NDUFAF4: variants seen among roughly 807,000 people sequenced by gnomAD.
The protein encoded by NDUFAF4 is NADH dehydrogenase [ubiquinone] 1 alpha subcomplex assembly factor 4.
In NDUFAF4, 10 loss-of-function variants were observed where a neutral mutation model predicts 15.6. The ratio of observed to expected loss-of-function variants is 0.64; its 90% CI spans 0.40 to 1.09. The LOEUF is 1.09. Among genes scored for constraint, NDUFAF4 ranks in the 50% least tolerant of loss-of-function variants. NDUFAF4 has a pLI of 0.01. For missense variants in NDUFAF4, 203 were observed against 207.3 expected, an observed-to-expected ratio of 0.98 and a Z score of 0.13; for synonymous variants, 77 against 73.3, an observed-to-expected ratio of 1.05 and a Z score of -0.26.
At position 96,896,744 on chromosome 6, in the gene NDUFAF4, C is replaced by G. The variant is rs1260934874; in HGVS notation, c.240G>C (p.Gln80His). ...TTCACTTAATTAAACACACATTTAC[C>G]TGCAAGGAAGACACAGGATCTTTGG... ...VDSKDPVSSL[Q>H]VKAAETCQEP... Residue 80 changes from glutamine (Q) to histidine (H), a missense_variant and splice_region_variant, in exon 2 of 3, where the codon CAG (glutamine) becomes CAC (histidine). Transcript: ENST00000316149. 13 of 1,607,046 alleles carry G rather than the reference C, an allele frequency of 8.1e-6. No individual in the cohort carries two copies. The highest frequency in any genetic ancestry group is 1.1e-5 in the Non-Finnish European group (13 of 1,175,104).
At chr6:96,891,709 C>G (rs943593387) in intron 2 of NDUFAF4, among the ~76,000 whole-genome samples, 1 of 151,826 alleles carries the variant, frequency 6.6e-6, no homozygotes, top group African/African-American at 2.4e-5. Context: ...ATAAGCCGTG[C>G]CTGCTTCCCA....
In NDUFAF4 at chr6:96,891,251, C is replaced by T; in HGVS notation, c.381G>A (p.Lys127=). 6.2e-7 allele frequency: 1 copy of T among 1,613,746 alleles called. No individual in the cohort carries two copies. The highest frequency in any genetic ancestry group is 2.2e-5 in the East Asian group (1 of 44,844). ...VEALTLLNNH[K]LFPETWTAEK... Reference sequence around the variant, plus strand: ...CAGCAGTCCAGGTTTCTGGGAAAAGCTTATGATTATTGAGAAGTGTCAATG... The same window carrying T: ...CAGCAGTCCAGGTTTCTGGGAAAAGTTTATGATTATTGAGAAGTGTCAATG... The change falls in exon 3 of 3, where the codon AAG becomes AAA. Residue 127 remains lysine, a synonymous_variant. Transcript: ENST00000316149.
intron 1 of NDUFAF4, among the ~76,000 whole-genome samples, chr6:96,897,403 C>G (rs1247301822): frequency 2.0e-5 from 3 of 152,220 alleles, no homozygotes; most frequent in African/African-American, 7.2e-5. Context: ...TGACAGCAGC[C>G]GGCGAGGGCC....
Position 96,890,141 on chromosome 6 carries a change from C to T in NDUFAF4, c.*963G>A, listed in dbSNP as rs753944762. On this transcript the variant is annotated 3_prime_UTR_variant, in exon 3 of 3. Coordinates refer to ENST00000316149, the MANE Select transcript of NDUFAF4 (RefSeq NM_014165.4). ...GATCCTAGTACTGGTACATGCTATGCTAATTAAATTTGCTAAAATGGATGA... is the reference window on the plus strand; with the variant it reads ...GATCCTAGTACTGGTACATGCTATGTTAATTAAATTTGCTAAAATGGATGA... 6.6e-6 allele frequency: 1 copy of T among 152,106 alleles called. No individual in the cohort carries two copies. The allele number at this position is 152,106 out of a possible 1,614,324, so 9.4% of individuals were successfully genotyped here.
At chr6:96,893,597 A>G (rs888358943) in intron 2 of NDUFAF4, among the ~76,000 whole-genome samples, 1 of 152,098 alleles carries the variant, frequency 6.6e-6, no homozygotes, top group Non-Finnish European at 1.5e-5. Flanking sequence ...TCCTATTCCC[A>G]GGTAAGGTAG....
chr6:96,896,867 C>G lies in NDUFAF4; in HGVS notation c.137-20G>C. The stretch of plus-strand genomic sequence containing the variant: ...GATAGACTAAGGAAAGGAAAAAAGT[C>G]ACAATATTAAAATCAAGGAAAATTT... On this transcript the variant is annotated intron_variant, in intron 1 of 2. Transcript: ENST00000316149. 1 of 1,560,722 alleles carries G rather than the reference C, an allele frequency of 6.4e-7. No homozygotes were observed. Among genetic ancestry groups the G allele is most frequent in the Non-Finnish European group, 8.8e-7 (1 of 1,132,010 alleles).
chr6:96,896,212 C>G (rs1379582634), intron 2 of NDUFAF4: 3 of 164,180 alleles, frequency 1.8e-5, no homozygotes, highest in Non-Finnish European at 4.0e-5. Flanking sequence ...GTGCCCAGGA[C>G]TTACATAATA....
chr6:96,895,588 T>C (rs1388703912), intron 2 of NDUFAF4, among the ~76,000 whole-genome samples: 1 of 151,476 alleles, frequency 6.6e-6, no homozygotes, highest in Non-Finnish European at 1.5e-5. Context: ...AAAGCATTAA[T>C]TTTTTTTTGC....
intron 1 of NDUFAF4, among the ~76,000 whole-genome samples, chr6:96,897,141 T>G (rs1351341507): frequency 6.6e-6 from 1 of 152,144 alleles, no homozygotes; most frequent in Non-Finnish European, 1.5e-5. Context: ...GCCAGGCTGG[T>G]CTCGAACTCC....
intron 2 of NDUFAF4, among the ~76,000 whole-genome samples, chr6:96,894,950 AAC>A (rs71545722): frequency 0.22 from 34,202 of 152,092 alleles, 4,471 homozygotes; most frequent in East Asian, 0.37. Context: ...AAGAAATATC[AAC>A]ACACATTATA....
chr6:96,897,782 C>A lies in NDUFAF4; in HGVS notation c.20G>T (p.Arg7Leu), dbSNP rs1775408842. 20 of 1,614,080 alleles carry A rather than the reference C, an allele frequency of 1.2e-5. No individual in the cohort carries two copies. The highest frequency in any genetic ancestry group is 1.7e-5 in the Non-Finnish European group (20 of 1,180,004). Residue 7 changes from arginine (R) to leucine (L), a missense_variant, in exon 1 of 3, where the codon CGC becomes CTC. Arg to Leu is a moderately radical substitution (Grantham distance 102). Coordinates refer to ENST00000316149, the MANE Select transcript of NDUFAF4 (RefSeq NM_014165.4). ...CTCTAGGTTGAAATTCCTGATACCG[C>A]GAATCACTAGTGCTCCCATCTCCTC... MGALVI[R>L]GIRNFNLENR...
In NDUFAF4 at chr6:96,897,854, C is replaced by A. The variant is rs1022779566; in HGVS notation, c.-53G>T. The A allele has an allele frequency of 3.1e-6, 5 of 1,612,304 alleles. No homozygotes were observed. Among genetic ancestry groups the A allele is most frequent in the Non-Finnish European group, 4.2e-6 (5 of 1,179,204 alleles). On this transcript the variant is annotated 5_prime_UTR_variant, in exon 1 of 3. Transcript: ENST00000316149. ...CAGGCCGCACGTGGGAACACCGGCG[C>A]AGGACAACTCCGGGACACCCGGAGC...
chr6:96,894,619 T>C (rs1340411894), intron 2 of NDUFAF4, among the ~76,000 whole-genome samples: 2 of 152,212 alleles, frequency 1.3e-5, no homozygotes, highest in Non-Finnish European at 2.9e-5. Flanking sequence ...GGTTCAGTAC[T>C]ACGCTCAGTT....
chr6:96,892,359 T>G (rs1283907484), intron 2 of NDUFAF4, among the ~76,000 whole-genome samples: 1 of 152,204 alleles, frequency 6.6e-6, no homozygotes, highest in Non-Finnish European at 1.5e-5. Context: ...CCATTCTTGT[T>G]TCCTAGCTAT....
rs1357788291 is a variant in NDUFAF4, at chr6:96,890,141, CTAAT to C, written c.*959_*962del. The C allele has an allele frequency of 6.6e-6, 1 of 152,106 alleles. No homozygotes were observed. The highest frequency in any genetic ancestry group is 1.5e-5 in the Non-Finnish European group (1 of 68,006). The allele number at this position is 152,106 out of a possible 1,614,324, so 9.4% of individuals were successfully genotyped here. On this transcript the variant is annotated 3_prime_UTR_variant, in exon 3 of 3. Coordinates refer to ENST00000316149, the MANE Select transcript of NDUFAF4 (RefSeq NM_014165.4). Reference sequence around the variant, plus strand: ...GATCCTAGTACTGGTACATGCTATGCTAATTAAATTTGCTAAAATGGATGAAATG... The same window carrying C: ...GATCCTAGTACTGGTACATGCTATGCTAAATTTGCTAAAATGGATGAAATG...
rs760918613 is a variant in NDUFAF4 at position 96,896,795 on chromosome 6, C to G, written c.189G>C (p.Ser63=). ...AATCAACATACACATCTTTTAGAAACGACAGCAGCTTTTCATCTTTACGAG... is the reference window on the plus strand; with the variant it reads ...AATCAACATACACATCTTTTAGAAAGGACAGCAGCTTTTCATCTTTACGAG... ...EIARKDEKLL[S]FLKDVYVDSK... Residue 63 remains serine (S), a synonymous_variant, in exon 2 of 3, where the codon TCG becomes TCC. Coordinates refer to ENST00000316149, the MANE Select transcript of NDUFAF4 (RefSeq NM_014165.4). The G allele has an allele frequency of 2.8e-5, 45 of 1,613,720 alleles. No individual in the cohort carries two copies. Among genetic ancestry groups the G allele is most frequent in the Non-Finnish European group, 3.7e-5 (44 of 1,180,010 alleles).
At chr6:96,897,567 C>T in intron 1 of NDUFAF4, 99 bp downstream of exon 1, 1 of 1,535,780 alleles carries the variant, frequency 6.5e-7, no homozygotes, top group Non-Finnish European at 8.8e-7. Flanking sequence ...GCCGAGCAGG[C>T]TGACGCCGAT....
chr6:96,896,401 T>C (rs931927433), intron 2 of NDUFAF4, among the ~76,000 whole-genome samples: 2 of 152,180 alleles, frequency 1.3e-5, no homozygotes, highest in African/African-American at 4.8e-5. Flanking sequence ...CACAGAAGAA[T>C]GAGAAAATAA....
intron 2 of NDUFAF4, among the ~76,000 whole-genome samples, chr6:96,896,425 CT>C (rs1374548924): frequency 6.6e-6 from 1 of 152,216 alleles, no homozygotes; most frequent in Non-Finnish European, 1.5e-5. Context: ...TAAAGCTCTG[CT>C]TTTGTCACTC....
Sources: allele counts gnomAD v4.1 joint callset (sites outside exome capture counted in the v4.1 genomes callset), GRCh38; gene constraint gnomAD v4.1.1; transcripts MANE v1.5; gene names NCBI Gene and HGNC (gene_info 2026-07-23, HGNC 2026-07-21).